The following KIAA1328 variants were observed in gnomAD, a reference collection of about 807,000 sequenced individuals.
KIAA1328 encodes KIAA1328.
A neutral mutation model predicts 68.1 loss-of-function variants in KIAA1328; 52 were observed. The ratio of observed to expected loss-of-function variants is 0.76; its 90% CI spans 0.61 to 0.96. The LOEUF is 0.96. KIAA1328 is among the 40% of genes least tolerant of loss of function. KIAA1328 has a pLI of 0.00. For missense variants in KIAA1328, 641 were observed against 677.6 expected, an observed-to-expected ratio of 0.95 and a Z score of 0.60; for synonymous variants, 232 against 239.4, an observed-to-expected ratio of 0.97 and a Z score of 0.28.
At chr18:37,215,970 T>C (rs2060423181) in intron 9 of KIAA1328, among the ~76,000 whole-genome samples, 1 of 152,234 alleles carries the variant, frequency 6.6e-6, no homozygotes, top group Non-Finnish European at 1.5e-5. Context: ...TGGTAGTTTG[T>C]ACTTCTGTGG....
intron 6 of KIAA1328, among the ~76,000 whole-genome samples, chr18:36,985,195 G>C (rs1469341672): frequency 1.3e-5 from 2 of 152,034 alleles, no homozygotes; most frequent in Non-Finnish European, 2.9e-5. Flanking sequence ...AGATACTTGG[G>C]AGGCTGAGGC....
At chr18:37,028,081 A>G (rs547112345) in intron 6 of KIAA1328, among the ~76,000 whole-genome samples, 1 of 152,330 alleles carries the variant, frequency 6.6e-6, no homozygotes, top group African/African-American at 2.4e-5. Flanking sequence ...GAAGACATTT[A>G]TGCAGCCAAC....
At chr18:36,887,114 T>C (rs999718344) in intron 5 of KIAA1328, among the ~76,000 whole-genome samples, 23 of 142,658 alleles carry the variant, frequency 1.6e-4, no homozygotes, top group African/African-American at 4.8e-4. Context: ...AACTTTCTCT[T>C]TTTTTTTTTT....
At chr18:37,169,513 C>G (rs1399266186) in intron 8 of KIAA1328, among the ~76,000 whole-genome samples, 5 of 146,876 alleles carry the variant, frequency 3.4e-5, no homozygotes, top group Non-Finnish European at 6.1e-5. Flanking sequence ...GTGTGTGTGT[C>G]TGTGTTTGTG....
In KIAA1328 at chr18:36,834,395, G is replaced by C. The variant is rs748849757; in HGVS notation, c.94+40G>C. On this transcript the variant is annotated intron_variant, in intron 2 of 9. Transcript: ENST00000280020. ...GTTAAAATTTGGGAAGCTTACTTTG[G>C]TCCTTAAATGTTAGAAGAAAATAAA... 1.1e-5 allele frequency: 16 copies of C among 1,501,884 alleles called. No individual in the cohort carries two copies. The Admixed American group carries it at 3.1e-4, about 29-fold the overall frequency. 93.0% of individuals were successfully genotyped at this position (1,501,884 alleles called of 1,614,324 possible).
intron 9 of KIAA1328, among the ~76,000 whole-genome samples, chr18:37,210,519 A>T (rs1329747700): frequency 1.3e-5 from 2 of 152,162 alleles, no homozygotes; most frequent in Non-Finnish European, 2.9e-5. Context: ...TGGCTAAAAC[A>T]TCATCTGGGT....
intron 5 of KIAA1328, among the ~76,000 whole-genome samples, chr18:36,907,588 A>G (rs921222329): frequency 6.6e-6 from 1 of 152,144 alleles, no homozygotes; most frequent in African/African-American, 2.4e-5. Flanking sequence ...AATATTAACC[A>G]GCTTTGCATT....
chr18:37,093,806 A>G (rs2057329866), intron 7 of KIAA1328, among the ~76,000 whole-genome samples: 1 of 152,230 alleles, frequency 6.6e-6, no homozygotes, highest in Admixed American at 6.5e-5. Flanking sequence ...TAAGTTCCCC[A>G]AATAGATTCA....
chr18:37,134,220 C>T (rs1599383968), intron 7 of KIAA1328, among the ~76,000 whole-genome samples: 1 of 151,956 alleles, frequency 6.6e-6, no homozygotes, highest in African/African-American at 2.4e-5. Flanking sequence ...ACCATGTTGT[C>T]CAGGCTGGTC....
At chr18:37,116,273 A>G (rs1032361793) in intron 7 of KIAA1328, among the ~76,000 whole-genome samples, 4 of 152,228 alleles carry the variant, frequency 2.6e-5, no homozygotes, top group South Asian at 4.1e-4. Flanking sequence ...CTACAAGGCT[A>G]CAGTAACCAA....
intron 4 of KIAA1328, among the ~76,000 whole-genome samples, chr18:36,870,418 T>C (rs187088191): frequency 1.3e-3 from 197 of 152,324 alleles, no homozygotes; most frequent in African/African-American, 4.4e-3. Context: ...ATATAACTTT[T>C]CTAATTTTAA....
chr18:37,124,382 T>C (rs2058342866), intron 7 of KIAA1328, among the ~76,000 whole-genome samples: 1 of 151,920 alleles, frequency 6.6e-6, no homozygotes, highest in African/African-American at 2.4e-5. Context: ...TTTCCAAAAT[T>C]ATCTAGTTTC....
At chr18:37,096,354 T>G (rs2057406633) in intron 7 of KIAA1328, among the ~76,000 whole-genome samples, 1 of 152,202 alleles carries the variant, frequency 6.6e-6, no homozygotes, top group South Asian at 2.1e-4. Context: ...TGCGATAGTT[T>G]GCTGAGAATG....
At chr18:36,868,333 A>G (rs771558633) in intron 4 of KIAA1328, among the ~76,000 whole-genome samples, 3 of 152,220 alleles carry the variant, frequency 2.0e-5, no homozygotes, top group Non-Finnish European at 4.4e-5. Flanking sequence ...GTATTAGGAT[A>G]GAAAGAATTC....
chr18:37,116,667 T>C (rs1310493458), intron 7 of KIAA1328, among the ~76,000 whole-genome samples: 1 of 152,184 alleles, frequency 6.6e-6, no homozygotes, highest in Non-Finnish European at 1.5e-5. Context: ...AAATGGGATC[T>C]AATTAAACTA....
At chr18:36,978,908 A>G (rs1204986026) in intron 6 of KIAA1328, among the ~76,000 whole-genome samples, 2 of 152,184 alleles carry the variant, frequency 1.3e-5, no homozygotes, top group Non-Finnish European at 2.9e-5. Flanking sequence ...CATGTGTATA[A>G]TCTCAGCACT....
chr18:36,843,268 T>C (rs569100286), intron 3 of KIAA1328, among the ~76,000 whole-genome samples: 13 of 152,278 alleles, frequency 8.5e-5, no homozygotes, highest in South Asian at 4.1e-4. Context: ...TATCATCTTC[T>C]TTTCTCCATT....
In KIAA1328 at chr18:37,171,662, T is replaced by C. The variant is rs527373293; in HGVS notation, c.1415-1311T>C. On this transcript the variant is annotated intron_variant, in intron 8 of 9. Transcript: ENST00000280020. The stretch of plus-strand genomic sequence containing the variant: ...GTTGAGGGTACCACAGATTTCTATA[T>C]ATAAAGAAGAATGAATTGTGCATTT... Among the ~76,000 whole-genome samples the C allele has an allele frequency of 1.9e-4, 29 of 152,294 alleles. No homozygotes were observed. In the South Asian group the frequency reaches 5.8e-3, roughly 31 times the overall value.
intron 5 of KIAA1328, among the ~76,000 whole-genome samples, chr18:36,942,199 G>A (rs1175180920): frequency 6.6e-6 from 1 of 152,320 alleles, no homozygotes; most frequent in East Asian, 1.9e-4. Context: ...TTTAAGATGT[G>A]AGGCCTGTTG....
Sources: allele counts gnomAD v4.1 joint callset (sites outside exome capture counted in the v4.1 genomes callset), GRCh38; gene constraint gnomAD v4.1.1; transcripts MANE v1.5; gene names NCBI Gene and HGNC (gene_info 2026-07-23, HGNC 2026-07-21).